Variants in PTK6 observed in about 807,000 individuals in gnomAD.
PTK6 encodes the protein protein-tyrosine kinase 6.
Under a neutral mutation model 47.5 loss-of-function variants are expected in PTK6, and 47 were observed. The ratio of observed to expected loss-of-function variants is 0.99; its 90% CI spans 0.78 to 1.26. The LOEUF is 1.26. PTK6 is among the 50% of genes most tolerant of loss of function. The pLI is 0.00. For missense variants in PTK6, 618 were observed against 625.3 expected (o/e 0.99, Z 0.12); for synonymous variants, 287 against 276.5 (o/e 1.04, Z -0.38).
chr20:63,532,411 C>T lies in PTK6; in HGVS notation c.832+115G>A, dbSNP rs1191769245. ...TGTGTCTGTGTGTGCATGTGTGTGT[C>T]TGTGTGTCTGTGTGTCTACGTGTGT... On this transcript the variant is annotated intron_variant, in intron 5 of 7. Coordinates refer to ENST00000542869, the MANE Select transcript of PTK6 (RefSeq NM_005975.4). The T allele has an allele frequency of 3.8e-6, 5 of 1,313,308 alleles. No homozygotes were observed. In the Admixed American group the frequency reaches 1.1e-4, roughly 28 times the overall value. The allele number at this position is 1,313,308 out of a possible 1,614,324, so 81.4% of individuals were successfully genotyped here. A position where few individuals can be genotyped will look rare whatever the true frequency, so the allele number is the denominator to read the frequency against.
chr20:63,531,204 G>A (rs1164952923), intron 5 of PTK6, among the ~76,000 whole-genome samples: 4 of 151,632 alleles, frequency 2.6e-5, no homozygotes, highest in Admixed American at 1.3e-4. Context: ...GATGGATCAC[G>A]AGGTCAGGAG....
rs774007573 is a variant in PTK6, at chr20:63,530,185, G to A, written c.1061C>T (p.Thr354Met). Residue 354 changes from threonine to methionine, a missense_variant, in exon 7 of 8, where the codon ACG becomes ATG. Transcript: ENST00000542869. This position sits in a 1 kb window ranked among gnomAD's most constrained non-coding sequence, Gnocchi z 4.1. ...SHDHNIPYKW[T>M]APEALSRGHY... Reference sequence around the variant, plus strand: ...GCCTCGGGAGAGCGCTTCAGGGGCCGTCCACTTGTAGGGGATATTGTGGTC... The same window carrying A: ...GCCTCGGGAGAGCGCTTCAGGGGCCATCCACTTGTAGGGGATATTGTGGTC... The A allele has an allele frequency of 7.4e-6, 12 of 1,613,912 alleles. No homozygotes were observed. The highest frequency in any genetic ancestry group is 4.4e-5 in the South Asian group (4 of 91,092).
chr20:63,532,051 G>A lies in PTK6; in HGVS notation c.832+475C>T, dbSNP rs575309697. Among the ~76,000 whole-genome samples the A allele has an allele frequency of 3.9e-4, 59 of 152,354 alleles. No homozygotes were observed. In the Middle Eastern group the frequency reaches 0.01, roughly 26 times the overall value. On this transcript the variant is annotated intron_variant, in intron 5 of 7. Coordinates refer to ENST00000542869, the MANE Select transcript of PTK6 (RefSeq NM_005975.4). The stretch of plus-strand genomic sequence containing the variant: ...ACGGGCATCTCCATTCCCTGGCAGC[G>A]ATTGTCTTTGGTTTTGGTGAGAAAG...
Position 63,533,440 on chromosome 20 carries a change from A to G in PTK6, c.670+111T>C. 7.6e-7 allele frequency: 1 copy of G among 1,308,780 alleles called. No individual in the cohort carries two copies. Among genetic ancestry groups the G allele is most frequent in the Non-Finnish European group, 1.0e-6 (1 of 967,076 alleles). The allele number at this position is 1,308,780 out of a possible 1,614,324, so 81.1% of individuals were successfully genotyped here. On this transcript the variant is annotated intron_variant, in intron 4 of 7. Coordinates refer to ENST00000542869, the MANE Select transcript of PTK6 (RefSeq NM_005975.4). The surrounding 1 kb of genome is among the most constrained non-coding windows in gnomAD (Gnocchi z 4.0). ...TTGAAAGGGAACCACTCTCGCATGG[A>G]CGCTGTGGGTGCTGCTTGGGGCTCG... is the stretch of plus-strand genomic sequence containing the variant.
Position 63,533,538 on chromosome 20 carries a change from G to A in PTK6, c.670+13C>T, listed in dbSNP as rs775801230. 6.9e-6 allele frequency: 11 copies of A among 1,595,120 alleles called. No individual in the cohort carries two copies. Among genetic ancestry groups the A allele is most frequent in the South Asian group, 2.3e-5 (2 of 88,650 alleles). Reference sequence around the variant, plus strand: ...CACGGGGCCACACAGAGCCCTGATCGGGGCCCACTCACCTCGAGAAATCAC... The same window carrying A: ...CACGGGGCCACACAGAGCCCTGATCAGGGCCCACTCACCTCGAGAAATCAC... On this transcript the variant is annotated intron_variant, in intron 4 of 7. Coordinates refer to ENST00000542869, the MANE Select transcript of PTK6 (RefSeq NM_005975.4). The surrounding 1 kb of genome is among the most constrained non-coding windows in gnomAD (Gnocchi z 4.0).
chr20:63,534,489 G>A (rs537187329), intron 2 of PTK6, among the ~76,000 whole-genome samples, 174 bp from the exon 3 acceptor site: 7 of 152,256 alleles, frequency 4.6e-5, no homozygotes, highest in African/African-American at 1.2e-4. Context: ...TGCCCTGCAC[G>A]CTCTGGCCAA....
At chr20:63,531,851 ACTGT>A (rs2082624208) in intron 5 of PTK6, among the ~76,000 whole-genome samples, 1 of 143,368 alleles carries the variant, frequency 7.0e-6, no homozygotes, top group Non-Finnish European at 1.5e-5. Context: ...GGGCGTGGGG[ACTGT>A]CTGAGATGAT....
In PTK6 at chr20:63,530,341, C is replaced by G. The variant is rs1389517479; in HGVS notation, c.1015-110G>C. Reference sequence around the variant, plus strand: ...CCCCAGCAGTGGGACGGTGATGACCCCACTGTCTGACCCACGCACGGCCGC... The same window carrying G: ...CCCCAGCAGTGGGACGGTGATGACCGCACTGTCTGACCCACGCACGGCCGC... On this transcript the variant is annotated intron_variant, in intron 6 of 7. Coordinates refer to ENST00000542869, the MANE Select transcript of PTK6 (RefSeq NM_005975.4). This position sits in a 1 kb window ranked among gnomAD's most constrained non-coding sequence, Gnocchi z 4.1. The G allele has an allele frequency of 2.2e-5, 31 of 1,412,794 alleles. No homozygotes were observed. The highest frequency in any genetic ancestry group is 2.3e-5 in the Non-Finnish European group (24 of 1,029,238). The allele number at this position is 1,412,794 out of a possible 1,614,324, so 87.5% of individuals were successfully genotyped here.
chr20:63,531,919 C>T (rs1010714095), intron 5 of PTK6, among the ~76,000 whole-genome samples: 4 of 152,356 alleles, frequency 2.6e-5, no homozygotes, highest in East Asian at 1.9e-4. Flanking sequence ...AGAGCGCAAA[C>T]GTGCGTGGTG....
chr20:63,534,620 C>T (rs929382222), intron 2 of PTK6, among the ~76,000 whole-genome samples: 1 of 152,160 alleles, frequency 6.6e-6, no homozygotes, highest in South Asian at 2.1e-4. Context: ...CTCTGCGCCC[C>T]GCACACCCCA....
At position 63,532,590 on chromosome 20, in the gene PTK6, C is replaced by T. The variant is rs751629901; in HGVS notation, c.768G>A (p.Val256=). Residue 256 remains valine (V), a synonymous_variant, in exon 5 of 8, where the codon GTG becomes GTA. Transcript: ENST00000542869. ...CCGTGATGATGTACACGGGGTCCCC[C>T]ACGGACACCACGGCGTACAGCGCCA... ...HILALYAVVS[V]GDPVYIITEL... The T allele has an allele frequency of 6.2e-7, 1 of 1,613,964 alleles. No individual in the cohort carries two copies. The highest frequency in any genetic ancestry group is 8.5e-7 in the Non-Finnish European group (1 of 1,180,018).
rs929512349 is a variant in PTK6, at chr20:63,530,292, T to C, written c.1015-61A>G. 1.9e-5 allele frequency: 31 copies of C among 1,592,752 alleles called. 1 individual carries two copies. In the South Asian group the frequency reaches 3.0e-4, roughly 15 times the overall value. On this transcript the variant is annotated intron_variant, in intron 6 of 7. Transcript: ENST00000542869. This position sits in a 1 kb window ranked among gnomAD's most constrained non-coding sequence, Gnocchi z 4.1. ...CTGCCTGTGCCCTGCCCCCGAAGCA[T>C]GGACGGGCACAGCGGCCGCATTGCC...
At chr20:63,531,936 T>C (rs2082625076) in intron 5 of PTK6, among the ~76,000 whole-genome samples, 1 of 152,220 alleles carries the variant, frequency 6.6e-6, no homozygotes, top group Non-Finnish European at 1.5e-5. Flanking sequence ...GGTGCCTCAG[T>C]GTAGCTCTCC....
At position 63,529,748 on chromosome 20, in the gene PTK6, G is replaced by T; in HGVS notation, c.1169-25C>A. 1.3e-6 allele frequency: 2 copies of T among 1,522,166 alleles called. No homozygotes were observed. The highest frequency in any genetic ancestry group is 2.4e-5 in the East Asian group (1 of 40,820). The allele number at this position is 1,522,166 out of a possible 1,614,324, so 94.3% of individuals were successfully genotyped here. ...CCTGCGGCCGACAGGGATGAGAAGA[G>T]CTGGGGCCCACCTGCCTACCCTCCC... On this transcript the variant is annotated intron_variant, in intron 7 of 7. Coordinates refer to ENST00000542869, the MANE Select transcript of PTK6 (RefSeq NM_005975.4). This position sits in a 1 kb window ranked among gnomAD's most constrained non-coding sequence, Gnocchi z 5.6.
intron 1 of PTK6, among the ~76,000 whole-genome samples, chr20:63,536,861 C>T (rs958376242): frequency 2.0e-5 from 3 of 152,244 alleles, no homozygotes; most frequent in Admixed American, 6.5e-5. Context: ...CTCTGACCCC[C>T]GTGCTCCAAC....
At chr20:63,532,457 G>T (rs1291922382) in intron 5 of PTK6, 69 bp downstream of exon 5, 17 of 1,514,918 alleles carry the variant, frequency 1.1e-5, no homozygotes, top group Non-Finnish European at 1.4e-5. Context: ...ACGTGGGGGG[G>T]GGGTGTGCAC....
At chr20:63,535,090 C>G in intron 1 of PTK6, 31 bp from the exon 2 acceptor site, 2 of 1,568,670 alleles carry the variant, frequency 1.3e-6, no homozygotes, top group East Asian at 2.3e-5. Context: ...AACACGCGGA[C>G]CTGGGCCCAC....
chr20:63,536,280 C>T (rs368864483), intron 1 of PTK6, among the ~76,000 whole-genome samples: 1 of 140,694 alleles, frequency 7.1e-6, no homozygotes, highest in Non-Finnish European at 1.5e-5. Flanking sequence ...AGACCCCACC[C>T]CTGCACCCCT....
chr20:63,530,722 A>C lies in PTK6; in HGVS notation c.1014+24T>G, dbSNP rs767994310. 1 of 1,610,932 alleles carries C rather than the reference A, an allele frequency of 6.2e-7. No homozygotes were observed. Among genetic ancestry groups the C allele is most frequent in the East Asian group, 2.2e-5 (1 of 44,704 alleles). On this transcript the variant is annotated intron_variant, in intron 6 of 7. Transcript: ENST00000542869. The surrounding 1 kb of genome is among the most constrained non-coding windows in gnomAD (Gnocchi z 4.1). ...CCGGCCACGCCCCGGCCACGACCCC[A>C]GCCACGCCCTCTGAGGGCCCTACCT...
Sources: gnomAD v4.1 joint callset for allele counts (sites outside exome capture counted in the v4.1 genomes callset) on GRCh38, gnomAD v4.1.1 for gene constraint, Gnocchi (gnomAD v3.1) non-coding constraint, MANE v1.5 for transcripts, NCBI Gene and HGNC (gene_info 2026-07-23, HGNC 2026-07-21) for gene names.